Variants in VWF observed in about 807,000 individuals in gnomAD.
The protein encoded by VWF is Factor VIII related antigen.
In VWF, 176 loss-of-function variants were observed where a neutral mutation model predicts 308.6. That is an observed-to-expected ratio of 0.57 (90% CI 0.50 to 0.65). The LOEUF (loss-of-function observed/expected upper bound fraction) is 0.65, where lower values mean the gene tolerates loss of function less well. Ranked by LOEUF, VWF falls within the 30% of genes least tolerant of loss-of-function variation. VWF has a pLI of 0.00. For missense variants in VWF, 3,146 were observed against 3,648.2 expected (o/e 0.86, Z 3.55); for synonymous variants, 1,385 against 1,443.4 (o/e 0.96, Z 0.92).
chr12:6,096,749 T>C (rs562798891), intron 5 of VWF, among the ~76,000 whole-genome samples: 2 of 152,326 alleles, frequency 1.3e-5, no homozygotes, highest in South Asian at 2.1e-4. Context: ...TGGACCTACA[T>C]GGCCTAGTGC....
Position 5,952,521 on chromosome 12 carries a change from T to C in VWF, c.7987-2A>G. On this transcript the variant is annotated splice_acceptor_variant, in intron 48 of 51. Coordinates refer to ENST00000261405, the MANE Select transcript of VWF (RefSeq NM_000552.5). LOFTEE classifies it high-confidence loss of function. ...GCCATCCTGGAGCGTCTCATCACGC[T>C]GGAAGGAAAGAGGAGTGGGTAAAGT... is the stretch of plus-strand genomic sequence containing the variant. 1.2e-6 allele frequency: 2 copies of C among 1,613,600 alleles called. No homozygotes were observed. The highest frequency in any genetic ancestry group is 1.7e-6 in the Non-Finnish European group (2 of 1,179,686).
In VWF at chr12:6,075,370, A is replaced by G. The variant is rs1395198370; in HGVS notation, c.839T>C (p.Met280Thr). ...EYARTCAQEG[M>T]VLYGWTDHSA... ...GTGGTCGGTCCAGCCGTACAGCACC[A>G]TTCCCTCCTGGGCACAGGTCCGGGC... is the stretch of plus-strand genomic sequence containing the variant. Residue 280 changes from methionine (M) to threonine (T), a missense_variant, in exon 7 of 52, where the codon ATG becomes ACG. This residue lies in a region of VWF where 1,304 missense variants were observed against 1,353.0 expected (regional missense o/e 0.96). Coordinates refer to ENST00000261405, the MANE Select transcript of VWF (RefSeq NM_000552.5). This position sits in a 1 kb window ranked among gnomAD's most constrained non-coding sequence, Gnocchi z 4.7. 6.2e-7 allele frequency: 1 copy of G among 1,613,956 alleles called. No individual in the cohort carries two copies. Among genetic ancestry groups the G allele is most frequent in the Admixed American group, 1.7e-5 (1 of 59,978 alleles).
Position 6,046,220 on chromosome 12 carries a change from A to G in VWF, c.2281+503T>C, listed in dbSNP as rs1385744079. On this transcript the variant is annotated intron_variant, in intron 17 of 51. Coordinates refer to ENST00000261405, the MANE Select transcript of VWF (RefSeq NM_000552.5). The surrounding 1 kb of genome is among the most constrained non-coding windows in gnomAD (Gnocchi z 5.0). ...ACCTGGGTGACAGAGTGAGACTCTCAAAAAAAAAAGACAGTGCAGCCACCG... is the reference window on the plus strand; with the variant it reads ...ACCTGGGTGACAGAGTGAGACTCTCGAAAAAAAAAGACAGTGCAGCCACCG... 6.7e-6 allele frequency among the ~76,000 whole-genome samples: 1 copy of G among 149,694 alleles called. No homozygotes were observed. Among genetic ancestry groups the G allele is most frequent in the African/African-American group, 2.4e-5 (1 of 40,822 alleles).
rs1944828855 is a variant in VWF, at chr12:6,075,242, T to TA, written c.874+92dup. ...TGGCTGGGTGTGGTAAAGCCGCACA[T>TA]ACGTGACACAGCCCCGAAGCACCCT... On this transcript the variant is annotated intron_variant, in intron 7 of 51. Coordinates refer to ENST00000261405, the MANE Select transcript of VWF (RefSeq NM_000552.5). This position sits in a 1 kb window ranked among gnomAD's most constrained non-coding sequence, Gnocchi z 4.7. The TA allele has an allele frequency of 1.3e-6, 2 of 1,519,064 alleles. No individual in the cohort carries two copies. Among genetic ancestry groups the TA allele is most frequent in the South Asian group, 2.3e-5 (2 of 88,034 alleles). 94.1% of individuals were successfully genotyped at this position (1,519,064 alleles called of 1,614,324 possible). A position where few individuals can be genotyped will look rare whatever the true frequency, so the allele number is the denominator to read the frequency against.
At chr12:6,068,212 AAAAC>A (rs2136466117) in intron 10 of VWF, among the ~76,000 whole-genome samples, 1 of 152,200 alleles carries the variant, frequency 6.6e-6, no homozygotes, top group East Asian at 1.9e-4. Flanking sequence ...CTCATGAAAA[AAAAC>A]AAAACGGAAC....
At chr12:5,983,539 A>AGATG (rs1276785648) in intron 40 of VWF, among the ~76,000 whole-genome samples, 2 of 152,056 alleles carry the variant, frequency 1.3e-5, no homozygotes, top group Non-Finnish European at 1.5e-5. Context: ...ATAGATAGAT[A>AGATG]GATGGATGAT....
intron 6 of VWF, among the ~76,000 whole-genome samples, chr12:6,083,538 C>CTGGGCAAG (rs1448354162): frequency 1.5e-4 from 23 of 152,332 alleles, no homozygotes; most frequent in Middle Eastern, 3.4e-3. Context: ...GCACTCCAGC[C>CTGGGCAAG]TGGGCAAGAG....
At position 5,981,818 on chromosome 12, in the gene VWF, C is replaced by A; in HGVS notation, c.7255G>T (p.Gly2419Cys). Reference protein sequence around the residue: ...YLASTATNDCGCTTTTCLPDK... With the variant: ...YLASTATNDCCCTTTTCLPDK... The stretch of plus-strand genomic sequence containing the variant: ...GGAAGGCAGGTGGTTGTGGTACAGC[C>A]ACAGTCATTGGTGGCAGTTGAGGCC... The change falls in exon 42 of 52, where the codon GGC (glycine) becomes TGC (cysteine). Residue 2419 changes from glycine to cysteine, a missense_variant. By Grantham distance (159) the Gly-to-Cys change is radical. Coordinates refer to ENST00000261405, the MANE Select transcript of VWF (RefSeq NM_000552.5). 6.2e-7 allele frequency: 1 copy of A among 1,614,124 alleles called. No homozygotes were observed. The highest frequency in any genetic ancestry group is 8.5e-7 in the Non-Finnish European group (1 of 1,180,020).
intron 15 of VWF, among the ~76,000 whole-genome samples, chr12:6,056,442 G>C (rs1049973786): frequency 6.6e-6 from 1 of 152,026 alleles, no homozygotes; most frequent in East Asian, 1.9e-4. Context: ...CAAGCAAAGG[G>C]TTTGTATGTG....
intron 3 of VWF, among the ~76,000 whole-genome samples, chr12:6,114,380 C>T (rs997003989): frequency 6.6e-6 from 1 of 152,190 alleles, no homozygotes; most frequent in African/African-American, 2.4e-5. Context: ...TGAGCGGGTG[C>T]CACAGGGGAG....
rs565032734 is a variant in VWF at position 6,087,516 on chromosome 12, G to A, written c.657+7944C>T. 8.4e-5 allele frequency among the ~76,000 whole-genome samples: 12 copies of A among 142,850 alleles called. 1 individual carries two copies. Among genetic ancestry groups the A allele is most frequent in the Admixed American group, 4.8e-4 (7 of 14,604 alleles). 93.7% of individuals were successfully genotyped at this position (142,850 alleles called of 152,430 possible). A position where few individuals can be genotyped will look rare whatever the true frequency, so the allele number is the denominator to read the frequency against. ...TGGGACTACAGGCGCCCGCCACCAC[G>A]CCCGGCTAATTTTTTTTTTTTTGTA... On this transcript the variant is annotated intron_variant, in intron 6 of 51. Coordinates refer to ENST00000261405, the MANE Select transcript of VWF (RefSeq NM_000552.5).
chr12:6,118,725 A>G (rs1194771888), intron 3 of VWF, among the ~76,000 whole-genome samples: 4 of 151,722 alleles, frequency 2.6e-5, no homozygotes, highest in African/African-American at 9.7e-5. Flanking sequence ...CTCCATTCCC[A>G]CTGACAACCC....
intron 10 of VWF, among the ~76,000 whole-genome samples, chr12:6,068,835 CGTGTGTGTGTGTGTGT>C (rs34977515): frequency 5.5e-5 from 5 of 91,310 alleles, no homozygotes; most frequent in African/African-American, 2.1e-4. Flanking sequence ...TTTTTTTTTG[CGTGTGTGTGTGTGTGT>C]GTGTGTGTGT....
intron 5 of VWF, among the ~76,000 whole-genome samples, chr12:6,096,465 C>T (rs555674332): frequency 6.6e-6 from 1 of 152,336 alleles, no homozygotes; most frequent in African/African-American, 2.4e-5. Flanking sequence ...ACACTCATCA[C>T]CTTTGGTTTG....
intron 16 of VWF, among the ~76,000 whole-genome samples, chr12:6,049,598 A>G (rs757001964): frequency 1.3e-4 from 20 of 152,232 alleles, no homozygotes; most frequent in Non-Finnish European, 2.8e-4. Context: ...AGGAGAGTTC[A>G]AGAATCCCTG....
At chr12:6,027,633 T>G (rs1944209528) in intron 22 of VWF, among the ~76,000 whole-genome samples, 1 of 151,972 alleles carries the variant, frequency 6.6e-6, no homozygotes, top group African/African-American at 2.4e-5. Flanking sequence ...ATATGGAGGA[T>G]GGGGCCACAA....
At chr12:6,114,695 GC>G (rs1447367461) in intron 3 of VWF, among the ~76,000 whole-genome samples, 1 of 152,180 alleles carries the variant, frequency 6.6e-6, no homozygotes, top group Non-Finnish European at 1.5e-5. Flanking sequence ...GCTCTGGGCA[GC>G]CCAAGGAGAG....
At chr12:5,978,561 C>T (rs1943557509) in intron 42 of VWF, among the ~76,000 whole-genome samples, 1 of 152,030 alleles carries the variant, frequency 6.6e-6, no homozygotes, top group African/African-American at 2.4e-5. Context: ...GAAACTATTA[C>T]AGGTATATTG....
chr12:6,018,344 G>T (rs201040449), intron 28 of VWF, 21 bp downstream of exon 28: 18 of 1,603,862 alleles, frequency 1.1e-5, no homozygotes, highest in African/African-American at 2.7e-5. Context: ...CCTCCCACCT[G>T]CACACAAGGT....
Sources: gnomAD v4.1 joint callset for allele counts (sites outside exome capture counted in the v4.1 genomes callset) on GRCh38, gnomAD v4.1.1 for gene constraint, gnomAD v4.1.1 regional missense constraint, Gnocchi (gnomAD v3.1) non-coding constraint, MANE v1.5 for transcripts, NCBI Gene and HGNC (gene_info 2026-07-23, HGNC 2026-07-21) for gene names.